The following ULK1 variants were observed in gnomAD, a reference collection of about 807,000 sequenced individuals.
The protein encoded by ULK1 is unc-51 like autophagy activating kinase 1.
A neutral mutation model predicts 117.5 loss-of-function variants in ULK1; 48 were observed. The ratio of observed to expected loss-of-function variants is 0.41; its 90% CI spans 0.32 to 0.52. The LOEUF is 0.52. Among genes scored for constraint, ULK1 ranks in the 20% least tolerant of loss-of-function variants. The pLI is 0.29. For synonymous variants in ULK1, 790 were observed against 637.8 expected, an observed-to-expected ratio of 1.24 and a Z score of -3.60; for missense variants, 1,387 against 1,473.4, an observed-to-expected ratio of 0.94 and a Z score of 0.96.
intron 4 of ULK1, 127 bp from the exon 5 acceptor site, chr12:131,907,368 C>A: frequency 8.1e-7 from 1 of 1,231,948 alleles, no homozygotes; most frequent in South Asian, 1.5e-5. Flanking sequence ...GACACCTGCC[C>A]TGGGCTGGGC....
rs1889796187 is a variant in ULK1 at position 131,916,553 on chromosome 12, C to T, written c.2034C>T (p.Gly678=). The T allele has an allele frequency of 6.2e-7, 1 of 1,603,880 alleles. No individual in the cohort carries two copies. Among genetic ancestry groups the T allele is most frequent in the Non-Finnish European group, 8.5e-7 (1 of 1,177,852 alleles). ...TCCATGGTCAGCCGTTGGGCCCTGGCCTGCGGCCAGGCGAGGACCCCAAGG... is the reference window on the plus strand; with the variant it reads ...TCCATGGTCAGCCGTTGGGCCCTGGTCTGCGGCCAGGCGAGGACCCCAAGG... ...GPFHGQPLGP[G]LRPGEDPKGP... Residue 678 remains glycine, a synonymous_variant, in exon 20 of 28, where the codon GGC becomes GGT. Coordinates refer to ENST00000321867, the MANE Select transcript of ULK1 (RefSeq NM_003565.4).
chr12:131,918,796 GGT>G (rs1889991827), intron 23 of ULK1, 115 bp downstream of exon 23: 3 of 489,144 alleles, frequency 6.1e-6, no homozygotes, highest in African/African-American at 2.2e-5. Context: ...GGGTGTCGGG[GGT>G]GTGGGGTGTA....
intron 25 of ULK1, 88 bp from the exon 26 acceptor site, chr12:131,919,891 C>G (rs1890072806): frequency 6.6e-7 from 1 of 1,523,100 alleles, no homozygotes; most frequent in African/African-American, 1.4e-5. Context: ...GAGGGACGTG[C>G]TCGCTCAGTG....
rs1484106185 is a variant in ULK1 at position 131,894,694 on chromosome 12, A to G, written c.-308A>G. ...CTCTTTTGTTTCTCCGTTGGGGCCG[A>G]GCCCGGGCCCTAGTTGGAGCCGGAG... On this transcript the variant is annotated 5_prime_UTR_variant, in exon 1 of 28. Coordinates refer to ENST00000321867, the MANE Select transcript of ULK1 (RefSeq NM_003565.4). 1.3e-5 allele frequency: 2 copies of G among 151,080 alleles called. No homozygotes were observed. Among genetic ancestry groups the G allele is most frequent in the Non-Finnish European group, 3.0e-5 (2 of 67,756 alleles). 9.4% of individuals were successfully genotyped at this position (151,080 alleles called of 1,614,324 possible). A position where few individuals can be genotyped will look rare whatever the true frequency, so the allele number is the denominator to read the frequency against.
chr12:131,918,227 G>T (rs373679614), intron 22 of ULK1: 2 of 542,910 alleles, frequency 3.7e-6, no homozygotes, highest in Non-Finnish European at 3.3e-6. Flanking sequence ...TGGGCTGGGG[G>T]TCGGGATACC....
rs1193753238 is a variant in ULK1, at chr12:131,909,940, C to T, written c.747C>T (p.Ala249=). 6.2e-7 allele frequency: 1 copy of T among 1,612,166 alleles called. No homozygotes were observed. Among genetic ancestry groups the T allele is most frequent in the Non-Finnish European group, 8.5e-7 (1 of 1,179,822 alleles). ...CCAGCATCCCCCGGGAGACCTCGGC[C>T]CCGCTGCGGCAGCTGCTCCTGGCCC... ...LVPTIPRETS[A]PLRQLLLALL... Residue 249 remains alanine (A), a synonymous_variant, in exon 10 of 28, where the codon GCC becomes GCT. Transcript: ENST00000321867.
intron 3 of ULK1, among the ~76,000 whole-genome samples, chr12:131,901,361 A>G (rs1385254349): frequency 6.9e-6 from 1 of 145,724 alleles, no homozygotes; most frequent in Non-Finnish European, 1.5e-5. Flanking sequence ...GTCTCAAAAA[A>G]AAAAAAAAGA....
intron 15 of ULK1, 139 bp downstream of exon 15, chr12:131,913,975 G>A: frequency 1.3e-6 from 1 of 758,460 alleles, no homozygotes; most frequent in Non-Finnish European, 2.0e-6. Flanking sequence ...TCGCAGGATG[G>A]GGTCTGCTGG....
Position 131,914,352 on chromosome 12 carries a change from C to T in ULK1, c.1248C>T (p.Gly416=). The part of the protein sequence containing the change: ...PPCSSSPSPS[G]RAGPFSSSRC... ...TGATCCTGACCTCTCTCCACCACAG[C>T]CGGGCTGGCCCGTTCTCCAGCAGCA... Residue 416 remains glycine, a splice_region_variant and synonymous_variant, in exon 16 of 28, where the codon GGC becomes GGT. Coordinates refer to ENST00000321867, the MANE Select transcript of ULK1 (RefSeq NM_003565.4). 6.2e-7 allele frequency: 1 copy of T among 1,609,686 alleles called. No homozygotes were observed. The highest frequency in any genetic ancestry group is 1.3e-5 in the African/African-American group (1 of 75,074).
At chr12:131,917,647 A>G (rs1864832378) in intron 22 of ULK1, 93 bp downstream of exon 22, 1 of 1,230,318 alleles carries the variant, frequency 8.1e-7, no homozygotes, top group Non-Finnish European at 1.0e-6. Context: ...TCACTGGACT[A>G]CAGCCCCCCA....
At position 131,919,985 on chromosome 12, in the gene ULK1, G is replaced by A. The variant is rs1331641502; in HGVS notation, c.2810G>A (p.Arg937His). Residue 937 changes from arginine (R) to histidine (H), a missense_variant, in exon 26 of 28, where the codon CGC becomes CAC. By Grantham distance (29) the Arg-to-His change is conservative. Coordinates refer to ENST00000321867, the MANE Select transcript of ULK1 (RefSeq NM_003565.4). ...CCACCCTCGTCCTTTGCAGTGGTGCGCAGGCTGAATGAGCTGTACAAGGCC... is the reference window on the plus strand; with the variant it reads ...CCACCCTCGTCCTTTGCAGTGGTGCACAGGCTGAATGAGCTGTACAAGGCC... ...CLSSTVKQVV[R>H]RLNELYKASV... The A allele has an allele frequency of 5.0e-6, 8 of 1,612,356 alleles. No individual in the cohort carries two copies. The highest frequency in any genetic ancestry group is 2.2e-5 in the East Asian group (1 of 44,896).
At position 131,919,353 on chromosome 12, in the gene ULK1, G is replaced by T; in HGVS notation, c.2653G>T (p.Asp885Tyr). The T allele has an allele frequency of 7.5e-7, 1 of 1,326,308 alleles. No homozygotes were observed. 82.2% of individuals were successfully genotyped at this position (1,326,308 alleles called of 1,614,324 possible). ...CCAGCTGCAGGAGAGTGTGGTGGCC[G>T]ACCAGATCAGCCTGCTGAGCCGAGA... ...EYQLQESVVADQISLLSREWG... is the reference protein window; with the variant it reads ...EYQLQESVVAYQISLLSREWG... The change falls in exon 24 of 28, where the codon GAC becomes TAC. Residue 885 changes from aspartate to tyrosine, a missense_variant. Asp to Tyr is a radical substitution (Grantham distance 160). This residue lies in a region of ULK1 where 900 missense variants were observed against 858.9 expected (regional missense o/e 1.05). Coordinates refer to ENST00000321867, the MANE Select transcript of ULK1 (RefSeq NM_003565.4).
chr12:131,912,381 C>T (rs1889578925), intron 13 of ULK1, among the ~76,000 whole-genome samples: 1 of 152,226 alleles, frequency 6.6e-6, no homozygotes, highest in African/African-American at 2.4e-5. Flanking sequence ...CCTCATGCCC[C>T]TCCCCCGCCA....
intron 4 of ULK1, 107 bp from the exon 5 acceptor site, chr12:131,907,388 C>T (rs982113455): frequency 4.9e-5 from 70 of 1,423,370 alleles, no homozygotes; most frequent in Middle Eastern, 1.9e-4. Flanking sequence ...CAGGTGCCTG[C>T]GGGCTCAGGG....
chr12:131,908,864 G>C (rs1566118750), intron 6 of ULK1, 34 bp from the exon 7 acceptor site: 1 of 1,607,232 alleles, frequency 6.2e-7, no homozygotes, highest in Non-Finnish European at 8.5e-7. Context: ...GGGGCTCCGG[G>C]GCCGGCGCCG....
In ULK1 at chr12:131,900,444, G is replaced by A. The variant is rs370311981; in HGVS notation, c.246+4620G>A. ...CACGCTCTTTGAGTCCACCACAGCC[G>A]CTGGGAGGCGGCTGGAGCACCTGGG... On this transcript the variant is annotated intron_variant, in intron 3 of 27. Transcript: ENST00000321867. 1.4e-4 allele frequency among the ~76,000 whole-genome samples: 21 copies of A among 152,340 alleles called. No individual in the cohort carries two copies. The East Asian group carries it at 2.7e-3, about 20-fold the overall frequency.
At chr12:131,908,135 G>A (rs1889352863) in intron 5 of ULK1, among the ~76,000 whole-genome samples, 1 of 152,122 alleles carries the variant, frequency 6.6e-6, no homozygotes, top group Non-Finnish European at 1.5e-5. Context: ...GACCCGCGTC[G>A]CCCTCATAGC....
chr12:131,916,190 C>A, intron 19 of ULK1, 31 bp downstream of exon 19: 1 of 1,598,358 alleles, frequency 6.3e-7, no homozygotes, highest in Non-Finnish European at 8.5e-7. Flanking sequence ...TGCAGGGGCA[C>A]AGAGCCCTGG....
Position 131,908,630 on chromosome 12 carries a change from G to A in ULK1, c.317-14G>A. 7 of 1,477,078 alleles carry A rather than the reference G, an allele frequency of 4.7e-6. No homozygotes were observed. Among genetic ancestry groups the A allele is most frequent in the Non-Finnish European group, 5.4e-6 (6 of 1,119,948 alleles). The allele number at this position is 1,477,078 out of a possible 1,614,324, so 91.5% of individuals were successfully genotyped here. On this transcript the variant is annotated splice_polypyrimidine_tract_variant and intron_variant, in intron 5 of 27. Coordinates refer to ENST00000321867, the MANE Select transcript of ULK1 (RefSeq NM_003565.4). ...AAACACGGCCCCCAGGCCCTGAGCC[G>A]CCTCTCCCCGCAGCCATGCGCACGC... is the stretch of plus-strand genomic sequence containing the variant.
Sources: allele counts gnomAD v4.1 joint callset (sites outside exome capture counted in the v4.1 genomes callset), GRCh38; gene constraint gnomAD v4.1.1; regional missense constraint gnomAD v4.1.1; transcripts MANE v1.5; gene names NCBI Gene and HGNC (gene_info 2026-07-23, HGNC 2026-07-21).